Variants in ROR1 observed in about 807,000 individuals in gnomAD.
ROR1 encodes inactive tyrosine-protein kinase transmembrane receptor ROR1.
A neutral mutation model predicts 78.8 loss-of-function variants in ROR1; 19 were observed. That is an observed-to-expected ratio of 0.24 (90% CI 0.17 to 0.35). The LOEUF (loss-of-function observed/expected upper bound fraction) is 0.35. Among genes scored for constraint, ROR1 ranks in the 10% least tolerant of loss-of-function variants. The pLI is 1.00. For missense variants in ROR1, 917 were observed against 1,177.8 expected (o/e 0.78, Z 3.24); for synonymous variants, 386 against 433.6 (o/e 0.89, Z 1.36).
intron 7 of ROR1, among the ~76,000 whole-genome samples, chr1:64,152,183 G>T (rs1170639868): frequency 6.6e-6 from 1 of 152,146 alleles, no homozygotes; most frequent in Non-Finnish European, 1.5e-5. Flanking sequence ...CTATGGACTG[G>T]ATCCAAATTT....
intron 2 of ROR1, among the ~76,000 whole-genome samples, chr1:64,028,665 T>A (rs1294281419): frequency 6.6e-6 from 1 of 152,230 alleles, no homozygotes; most frequent in Admixed American, 6.5e-5. Flanking sequence ...ATTTTTTAGA[T>A]ACATAGTAGG....
chr1:64,093,671 C>CT (rs1345479897), intron 4 of ROR1, among the ~76,000 whole-genome samples: 11 of 151,238 alleles, frequency 7.3e-5, no homozygotes, highest in East Asian at 1.9e-4. Flanking sequence ...TCCTGAACCT[C>CT]TTTTTTTTTG....
At chr1:63,903,465 T>C (rs1645502264) in intron 1 of ROR1, among the ~76,000 whole-genome samples, 1 of 152,040 alleles carries the variant, frequency 6.6e-6, no homozygotes, top group Admixed American at 6.6e-5. Flanking sequence ...ACTGATTTTA[T>C]TTATGTGTTT....
intron 1 of ROR1, among the ~76,000 whole-genome samples, chr1:63,794,021 C>T (rs1288622238): frequency 3.3e-5 from 5 of 152,288 alleles, no homozygotes; most frequent in East Asian, 1.9e-4. Context: ...AGGCAAGGGC[C>T]CTGGTTGCTG....
intron 1 of ROR1, among the ~76,000 whole-genome samples, chr1:63,907,321 A>C (rs1010691484): frequency 2.2e-4 from 33 of 152,186 alleles, no homozygotes; most frequent in African/African-American, 8.0e-4. Context: ...TGCTTAAGCC[A>C]GGCAAATTAC....
At chr1:64,170,399 C>T (rs919894923) in intron 8 of ROR1, among the ~76,000 whole-genome samples, 1 of 152,186 alleles carries the variant, frequency 6.6e-6, no homozygotes, top group Non-Finnish European at 1.5e-5. Context: ...CCCTTTTAGT[C>T]ATAGCTGGAG....
chr1:63,818,840 A>G (rs1258831798), intron 1 of ROR1, among the ~76,000 whole-genome samples: 1 of 152,200 alleles, frequency 6.6e-6, no homozygotes, highest in East Asian at 1.9e-4. Flanking sequence ...CCTAATTTAC[A>G]GATGAGCAAA....
chr1:63,876,727 C>T (rs188479316), intron 1 of ROR1, among the ~76,000 whole-genome samples: 6 of 150,208 alleles, frequency 4.0e-5, no homozygotes, highest in Admixed American at 6.7e-5. Context: ...TTCTTTCATT[C>T]GTTCTCTTTC....
intron 4 of ROR1, among the ~76,000 whole-genome samples, chr1:64,085,495 C>A (rs149830220): frequency 3.1e-4 from 47 of 152,272 alleles, no homozygotes; most frequent in African/African-American, 9.4e-4. Flanking sequence ...ATATTCCCAA[C>A]ATGGCCAGAG....
intron 1 of ROR1, among the ~76,000 whole-genome samples, chr1:63,792,631 T>C (rs1376712315): frequency 1.3e-5 from 2 of 152,226 alleles, no homozygotes; most frequent in Admixed American, 6.5e-5. Flanking sequence ...GATTATTATG[T>C]ATATTAAGTG....
intron 1 of ROR1, among the ~76,000 whole-genome samples, chr1:63,951,995 C>T (rs541065322): frequency 6.6e-6 from 1 of 152,222 alleles, no homozygotes; most frequent in African/African-American, 2.4e-5. Context: ...AAAATAAGGT[C>T]CCTGTCCTAG....
intron 2 of ROR1, among the ~76,000 whole-genome samples, chr1:64,009,716 A>C (rs546911976): frequency 6.6e-6 from 1 of 152,232 alleles, no homozygotes. Context: ...CCAAGCCAGG[A>C]TTCATCAGAG....
intron 1 of ROR1, among the ~76,000 whole-genome samples, chr1:63,980,347 G>A (rs1441672234): frequency 1.3e-5 from 2 of 152,074 alleles, no homozygotes; most frequent in Non-Finnish European, 2.9e-5. Context: ...CTTCTCTTCA[G>A]TGACATTGTC....
At chr1:63,847,774 G>A (rs946347070) in intron 1 of ROR1, among the ~76,000 whole-genome samples, 1 of 152,196 alleles carries the variant, frequency 6.6e-6, no homozygotes, top group Admixed American at 6.5e-5. Context: ...TGACAGAGCT[G>A]TGGTTTTCCT....
intron 1 of ROR1, among the ~76,000 whole-genome samples, chr1:63,854,098 A>C (rs763639339): frequency 6.6e-6 from 1 of 152,224 alleles, no homozygotes; most frequent in Non-Finnish European, 1.5e-5. Context: ...TGCATAGTGC[A>C]TGACTGCTAG....
intron 1 of ROR1, among the ~76,000 whole-genome samples, chr1:63,962,594 A>G (rs886184025): frequency 2.6e-5 from 4 of 152,312 alleles, no homozygotes; most frequent in African/African-American, 9.6e-5. Flanking sequence ...ATTTAACTGC[A>G]TCTCAAATAA....
chr1:63,934,863 G>A (rs1645782002), intron 1 of ROR1, among the ~76,000 whole-genome samples: 1 of 152,132 alleles, frequency 6.6e-6, no homozygotes, highest in Admixed American at 6.5e-5. Flanking sequence ...TGAGGATTTA[G>A]ATGATGTGAA....
chr1:63,936,813 C>A (rs1384954296), intron 1 of ROR1, among the ~76,000 whole-genome samples: 2 of 152,144 alleles, frequency 1.3e-5, no homozygotes, highest in Non-Finnish European at 2.9e-5. Flanking sequence ...GTCCTCTGAA[C>A]ATTTGCAAAG....
intron 1 of ROR1, among the ~76,000 whole-genome samples, chr1:63,884,397 C>T (rs901976298): frequency 1.3e-5 from 2 of 152,106 alleles, no homozygotes; most frequent in African/African-American, 4.8e-5. Context: ...ACTGGCCTGC[C>T]CCGGTGCCAT....
Sources: gnomAD v4.1 joint callset for allele counts (sites outside exome capture counted in the v4.1 genomes callset) on GRCh38, gnomAD v4.1.1 for gene constraint, MANE v1.5 for transcripts, NCBI Gene and HGNC (gene_info 2026-07-23, HGNC 2026-07-21) for gene names.